MTA3: variants seen among roughly 807,000 people sequenced by gnomAD.
MTA3 encodes metastasis associated 1 family member 3.
MTA3 carries 34 observed loss-of-function variants against 83.5 expected under a neutral mutation model. The ratio of observed to expected loss-of-function variants is 0.41; its 90% CI spans 0.31 to 0.54. The LOEUF (loss-of-function observed/expected upper bound fraction) is 0.54. Among genes scored for constraint, MTA3 ranks in the 20% least tolerant of loss-of-function variants. The pLI, the probability that MTA3 is intolerant of heterozygous loss-of-function variation, is 0.33. For synonymous variants in MTA3, 303 were observed against 252.7 expected (o/e 1.20, Z -1.89); for missense variants, 761 against 726.4 (o/e 1.05, Z -0.55).
intron 8 of MTA3, among the ~76,000 whole-genome samples, chr2:42,665,117 G>C (rs181190037): frequency 6.6e-6 from 1 of 152,282 alleles, no homozygotes; most frequent in East Asian, 1.9e-4. Context: ...GAAGAATATA[G>C]GGCTGGGCAG....
chr2:42,653,834 C>G (rs2104351697), intron 6 of MTA3, among the ~76,000 whole-genome samples: 1 of 152,276 alleles, frequency 6.6e-6, no homozygotes, highest in African/African-American at 2.4e-5. Context: ...ACAGAAGGGG[C>G]TTAAGACTGA....
intron 14 of MTA3, among the ~76,000 whole-genome samples, chr2:42,718,545 A>T (rs1261204990): frequency 6.6e-6 from 1 of 151,566 alleles, no homozygotes; most frequent in East Asian, 2.0e-4. Flanking sequence ...TGGGCAGAAC[A>T]CAAGATTAGG....
At chr2:42,603,745 C>T (rs900609018) in intron 3 of MTA3, among the ~76,000 whole-genome samples, 1 of 152,122 alleles carries the variant, frequency 6.6e-6, no homozygotes, top group Non-Finnish European at 1.5e-5. Context: ...GAGGTCAACA[C>T]AATTTTCTTT....
rs1573867329 is a variant in MTA3 at position 42,755,054 on chromosome 2, A to G, written c.*1655A>G. 2 of 985,394 alleles carry G rather than the reference A, an allele frequency of 2.0e-6. No individual in the cohort carries two copies. The highest frequency in any genetic ancestry group is 9.4e-5 in the South Asian group (2 of 21,278). 61.0% of individuals were successfully genotyped at this position (985,394 alleles called of 1,614,324 possible). ...GCCTGTGTCAGAAGCATTTGGTGAG[A>G]GGGGTGGAGGTGGCAGGCAGGGGTT... is the stretch of plus-strand genomic sequence containing the variant. On this transcript the variant is annotated 3_prime_UTR_variant, in exon 17 of 17. Coordinates refer to ENST00000405094, the MANE Select transcript of MTA3 (RefSeq NM_001330442.2).
At chr2:42,535,782 C>A (rs1047838508) in intron 2 of MTA3, among the ~76,000 whole-genome samples, 1 of 151,992 alleles carries the variant, frequency 6.6e-6, no homozygotes, top group Admixed American at 6.6e-5. Flanking sequence ...TGAAAGGATC[C>A]TGGGGGTGGT....
In MTA3 at chr2:42,753,457, C is replaced by T; in HGVS notation, c.*58C>T. ...TGCTGCACTGTCCTGCTGATGTTCA[C>T]AGCCGTGCCTGGGAAGAAGGCAGCC... On this transcript the variant is annotated 3_prime_UTR_variant, in exon 17 of 17. Transcript: ENST00000405094. 1.9e-6 allele frequency: 3 copies of T among 1,549,890 alleles called. No individual in the cohort carries two copies. The highest frequency in any genetic ancestry group is 2.6e-6 in the Non-Finnish European group (3 of 1,146,504).
intron 4 of MTA3, chr2:42,614,077 T>G (rs1037254513): frequency 2.6e-5 from 4 of 152,234 alleles, no homozygotes; most frequent in African/African-American, 9.6e-5. Context: ...TATGTGTGTA[T>G]GACTTAATAT....
At position 42,660,839 on chromosome 2, in the gene MTA3, A is replaced by C. The variant is rs75522607; in HGVS notation, c.702+977A>C. Among the ~76,000 whole-genome samples the C allele has an allele frequency of 6.7e-3, 1,022 of 152,352 alleles. 8 individuals carry two copies. The highest frequency in any genetic ancestry group is 0.022 in the African/African-American group (934 of 41,580). On this transcript the variant is annotated intron_variant, in intron 8 of 16. Coordinates refer to ENST00000405094, the MANE Select transcript of MTA3 (RefSeq NM_001330442.2). ...TGATAATGTAAGAACTCATAGAGGA[A>C]TACACATCAGATAATAAAAATAAAG...
At chr2:42,495,450 G>A (rs1191422979) in intron 2 of MTA3, among the ~76,000 whole-genome samples, 1 of 152,012 alleles carries the variant, frequency 6.6e-6, no homozygotes, top group Non-Finnish European at 1.5e-5. Flanking sequence ...TTGCTATTTA[G>A]TGTCTACTGG....
At chr2:42,627,725 ATTTTTTTTTTTT>A (rs869227831) in intron 4 of MTA3, among the ~76,000 whole-genome samples, 2 of 103,384 alleles carry the variant, frequency 1.9e-5, no homozygotes, top group African/African-American at 8.0e-5. Flanking sequence ...GCCTGGCTAA[ATTTTTTTTTTTT>A]TTTTTTTTTT....
chr2:42,668,266 A>T (rs148336326), intron 8 of MTA3, among the ~76,000 whole-genome samples: 1 of 152,338 alleles, frequency 6.6e-6, no homozygotes, highest in East Asian at 1.9e-4. Flanking sequence ...TTAGCTGCTC[A>T]GGTTGGCTGG....
At chr2:42,574,168 G>A (rs1234806536) in intron 2 of MTA3, among the ~76,000 whole-genome samples, 30 of 122,930 alleles carry the variant, frequency 2.4e-4, no homozygotes, top group Admixed American at 4.8e-4. Context: ...GAGTTTTGCT[G>A]TTCTTGCCCA....
At chr2:42,726,683 T>C (rs1667845369) in intron 16 of MTA3, among the ~76,000 whole-genome samples, 1 of 152,156 alleles carries the variant, frequency 6.6e-6, no homozygotes, top group African/African-American at 2.4e-5. Flanking sequence ...AGAAAGGATT[T>C]TGCTTGGCAT....
chr2:42,665,567 A>G (rs890417763), intron 8 of MTA3, among the ~76,000 whole-genome samples: 1 of 152,210 alleles, frequency 6.6e-6, no homozygotes, highest in African/African-American at 2.4e-5. Flanking sequence ...GGTGTTGGCC[A>G]GAGCAAGGTC....
At chr2:42,546,455 G>T (rs575617579) in intron 2 of MTA3, among the ~76,000 whole-genome samples, 1 of 151,946 alleles carries the variant, frequency 6.6e-6, no homozygotes, top group Non-Finnish European at 1.5e-5. Flanking sequence ...TCAAATCCAG[G>T]GGTGGTCATC....
At chr2:42,610,051 C>T (rs1418160345) in intron 4 of MTA3, among the ~76,000 whole-genome samples, 1 of 152,082 alleles carries the variant, frequency 6.6e-6, no homozygotes, top group African/African-American at 2.4e-5. Flanking sequence ...AGTGTGCTGA[C>T]ATCGTGCCAC....
upstream of MTA3, among the ~76,000 whole-genome samples, chr2:42,564,958 A>C (rs898364490): frequency 4.6e-5 from 7 of 151,902 alleles, no homozygotes; most frequent in African/African-American, 1.5e-4. Flanking sequence ...TTGTATTTTT[A>C]GTAGAGATGG....
chr2:42,756,002 C>T lies in MTA3; in HGVS notation c.*2603C>T. The stretch of plus-strand genomic sequence containing the variant: ...ATTCCCCTTGTGCACAGCCCAGTTT[C>T]CATCTCTCAGGGCCCACCCAGGAAA... On this transcript the variant is annotated 3_prime_UTR_variant, in exon 17 of 17. Transcript: ENST00000405094. The T allele has an allele frequency of 1.0e-6, 1 of 985,536 alleles. No homozygotes were observed. The highest frequency in any genetic ancestry group is 4.7e-5 in the South Asian group (1 of 21,292). The allele number at this position is 985,536 out of a possible 1,614,324, so 61.0% of individuals were successfully genotyped here. A position where few individuals can be genotyped will look rare whatever the true frequency, so the allele number is the denominator to read the frequency against.
chr2:42,567,281 A>G (rs1677957608), upstream of MTA3, among the ~76,000 whole-genome samples: 2 of 152,214 alleles, frequency 1.3e-5, no homozygotes, highest in South Asian at 4.1e-4. Context: ...ATAGACGAGG[A>G]AACAGGTCAT....
Sources: gnomAD v4.1 joint callset for allele counts (sites outside exome capture counted in the v4.1 genomes callset) on GRCh38, gnomAD v4.1.1 for gene constraint, MANE v1.5 for transcripts, NCBI Gene and HGNC (gene_info 2026-07-23, HGNC 2026-07-21) for gene names.